The following GDA variants were observed in gnomAD, a reference collection of about 807,000 sequenced individuals.
GDA encodes guanine deaminase, also known as cytoplasmic PSD-95 interactor.
A neutral mutation model predicts 59.6 loss-of-function variants in GDA; 18 were observed. The ratio of observed to expected loss-of-function variants is 0.30; its 90% CI spans 0.21 to 0.45. The LOEUF is 0.45. Among genes scored for constraint, GDA ranks in the 20% least tolerant of loss-of-function variants. The pLI is 1.00. For synonymous variants in GDA, 201 were observed against 201.1 expected (o/e 1.00, Z 0.00); for missense variants, 427 against 552.3 (o/e 0.77, Z 2.27).
intron 3 of GDA, among the ~76,000 whole-genome samples, chr9:72,207,401 CACTCTT>C (rs1178311147): frequency 2.0e-5 from 3 of 152,204 alleles, no homozygotes; most frequent in Non-Finnish European, 4.4e-5. Context: ...ATCATTAACT[CACTCTT>C]ACTATTTATA....
At chr9:72,134,516 C>T (rs531304414) in intron 1 of GDA, among the ~76,000 whole-genome samples, 2 of 152,094 alleles carry the variant, frequency 1.3e-5, no homozygotes, top group South Asian at 2.1e-4. Flanking sequence ...ATTCTCCTGC[C>T]CCAGCCACAT....
chr9:72,149,465 C>G lies in GDA; in HGVS notation c.-95C>G. 1 of 1,466,226 alleles carries G rather than the reference C, an allele frequency of 6.8e-7. No homozygotes were observed. The highest frequency in any genetic ancestry group is 9.2e-7 in the Non-Finnish European group (1 of 1,088,870). 90.8% of individuals were successfully genotyped at this position (1,466,226 alleles called of 1,614,324 possible). A position where few individuals can be genotyped will look rare whatever the true frequency, so the allele number is the denominator to read the frequency against. On this transcript the variant is annotated 5_prime_UTR_variant, in exon 1 of 14. Coordinates refer to ENST00000358399, the MANE Select transcript of GDA (RefSeq NM_004293.5). Reference sequence around the variant, plus strand: ...AGGACAAGGCCGGAGCCTGTGTCCGCCCGGCAGCCGCCCGCAGCTGCAGAG... The same window carrying G: ...AGGACAAGGCCGGAGCCTGTGTCCGGCCGGCAGCCGCCCGCAGCTGCAGAG...
intron 1 of GDA, among the ~76,000 whole-genome samples, chr9:72,188,646 A>C (rs996557435): frequency 2.0e-5 from 3 of 152,180 alleles, no homozygotes; most frequent in Non-Finnish European, 4.4e-5. Context: ...GAGAGCCCCA[A>C]CTATGGCAAT....
intron 1 of GDA, among the ~76,000 whole-genome samples, chr9:72,144,346 C>G (rs941161609): frequency 3.3e-5 from 5 of 152,142 alleles, no homozygotes; most frequent in Non-Finnish European, 7.4e-5. Flanking sequence ...ATATTCGTAT[C>G]ACTTAAGATT....
At chr9:72,232,567 G>C (rs532857186) in intron 10 of GDA, among the ~76,000 whole-genome samples, 13 of 152,184 alleles carry the variant, frequency 8.5e-5, no homozygotes, top group African/African-American at 2.6e-4. Flanking sequence ...ATGGCCAAGA[G>C]TTTTGGTTAC....
At chr9:72,221,190 C>T (rs1466172135) in intron 6 of GDA, among the ~76,000 whole-genome samples, 1 of 152,150 alleles carries the variant, frequency 6.6e-6, no homozygotes, top group Non-Finnish European at 1.5e-5. Context: ...CTGTAACCAG[C>T]ACACCTGGAC....
intron 2 of GDA, among the ~76,000 whole-genome samples, chr9:72,198,661 CAT>C (rs34517745): frequency 0.028 from 4,308 of 151,806 alleles, 75 homozygotes; most frequent in Middle Eastern, 0.044. Flanking sequence ...TTTCAAATAA[CAT>C]GGATTCTCAG....
chr9:72,125,609 T>A (rs1825819043), intron 1 of GDA, among the ~76,000 whole-genome samples: 2 of 152,172 alleles, frequency 1.3e-5, no homozygotes, highest in Admixed American at 1.3e-4. Flanking sequence ...TGATATATTG[T>A]TATCAAAATA....
At chr9:72,243,960 G>A (rs967309027) in intron 11 of GDA, among the ~76,000 whole-genome samples, 1 of 152,214 alleles carries the variant, frequency 6.6e-6, no homozygotes, top group African/African-American at 2.4e-5. Flanking sequence ...CAGTTCGCGA[G>A]GTTAGGAGAT....
At chr9:72,214,175 C>A (rs180852675) in intron 5 of GDA, among the ~76,000 whole-genome samples, 184 bp downstream of exon 5, 5 of 152,172 alleles carry the variant, frequency 3.3e-5, no homozygotes, top group African/African-American at 1.2e-4. Context: ...ATCAAACACT[C>A]GATAATCATT....
intron 1 of GDA, among the ~76,000 whole-genome samples, chr9:72,176,486 G>A (rs976090775): frequency 6.6e-6 from 1 of 152,136 alleles, no homozygotes. Flanking sequence ...ACACCACATG[G>A]GTGTTTGAAA....
chr9:72,213,940 C>G lies in GDA; in HGVS notation c.527C>G (p.Thr176Ser), dbSNP rs200156367. 3.7e-6 allele frequency: 6 copies of G among 1,611,918 alleles called. No homozygotes were observed. The African/African-American group carries it at 8.0e-5, about 22-fold the overall frequency. The change falls in exon 5 of 14, where the codon ACT (threonine) becomes AGT (serine). Residue 176 changes from threonine to serine, a missense_variant. Thr to Ser is a moderately conservative substitution (Grantham distance 58, BLOSUM62 1). Transcript: ENST00000358399. Reference sequence around the variant, plus strand: ...AAAGTTTGCATGGATTTGAATGACACTTTTCCAGAATACAAGGAGACCACT... The same window carrying G: ...AAAGTTTGCATGGATTTGAATGACAGTTTTCCAGAATACAAGGAGACCACT... ...VGKVCMDLND[T>S]FPEYKETTEE...
intron 3 of GDA, 118 bp downstream of exon 3, chr9:72,202,860 A>G: frequency 1.3e-6 from 1 of 749,108 alleles, no homozygotes; most frequent in Non-Finnish European, 2.2e-6. Context: ...GGCCATAGAG[A>G]ATTTTTAAGT....
intron 1 of GDA, among the ~76,000 whole-genome samples, chr9:72,151,230 C>T (rs901982747): frequency 3.3e-5 from 5 of 152,182 alleles, no homozygotes; most frequent in Admixed American, 2.6e-4. Context: ...AAAAATCATA[C>T]TGAAGTTATA....
intron 2 of GDA, among the ~76,000 whole-genome samples, chr9:72,200,470 C>T (rs1833848426): frequency 6.7e-6 from 1 of 148,996 alleles, no homozygotes; most frequent in East Asian, 2.0e-4. Flanking sequence ...TTTCTTCCTC[C>T]TCCTCTCTGT....
At chr9:72,246,239 C>T (rs1420601628) in intron 12 of GDA, among the ~76,000 whole-genome samples, 1 of 152,156 alleles carries the variant, frequency 6.6e-6, no homozygotes, top group Non-Finnish European at 1.5e-5. Context: ...CCACTGCCTC[C>T]TGGGTTCAAG....
chr9:72,160,163 A>G (rs2130830096), intron 1 of GDA, among the ~76,000 whole-genome samples: 1 of 152,228 alleles, frequency 6.6e-6, no homozygotes, highest in East Asian at 1.9e-4. Flanking sequence ...AAAAAAAATT[A>G]GCTGGGCATG....
At chr9:72,197,665 A>G (rs760382102) in intron 2 of GDA, 1 of 152,138 alleles carries the variant, frequency 6.6e-6, no homozygotes, top group African/African-American at 2.4e-5. Flanking sequence ...CACACAAGGA[A>G]GTAGTAAGGT....
At chr9:72,215,797 T>G (rs1836034508) in intron 5 of GDA, among the ~76,000 whole-genome samples, 1 of 152,174 alleles carries the variant, frequency 6.6e-6, no homozygotes, top group African/African-American at 2.4e-5. Flanking sequence ...CCTCAAAGAA[T>G]AGGATACCAT....
Sources: allele counts gnomAD v4.1 joint callset (sites outside exome capture counted in the v4.1 genomes callset), GRCh38; gene constraint gnomAD v4.1.1; transcripts MANE v1.5; gene names NCBI Gene and HGNC (gene_info 2026-07-23, HGNC 2026-07-21).